PAPPA: variants seen among roughly 807,000 people sequenced by gnomAD.
The protein encoded by PAPPA is pappalysin-1.
In PAPPA, 60 loss-of-function variants were observed where a neutral mutation model predicts 164.0. The observed-to-expected ratio is 0.37, with a 90% CI of 0.30 to 0.45. The LOEUF is 0.45. Among genes scored for constraint, PAPPA ranks in the 20% least tolerant of loss-of-function variants. The pLI, the probability that PAPPA is intolerant of heterozygous loss-of-function variation, is 1.00. For synonymous variants in PAPPA, 875 were observed against 814.1 expected (o/e 1.07, Z -1.27); for missense variants, 1,782 against 2,087.3 (o/e 0.85, Z 2.85).
chr9:116,258,798 T>C (rs529708054), intron 7 of PAPPA, among the ~76,000 whole-genome samples: 10 of 152,240 alleles, frequency 6.6e-5, no homozygotes, highest in African/African-American at 2.2e-4. Flanking sequence ...TTTTAATACA[T>C]ATTTGGGGGG....
chr9:116,170,471 G>A (rs1843763800), intron 1 of PAPPA, among the ~76,000 whole-genome samples: 1 of 152,040 alleles, frequency 6.6e-6, no homozygotes, highest in Non-Finnish European at 1.5e-5. Flanking sequence ...GGTCTGAAGT[G>A]GTCCTGCCCA....
At chr9:116,284,130 C>G (rs1014150871) in intron 9 of PAPPA, among the ~76,000 whole-genome samples, 10 of 152,128 alleles carry the variant, frequency 6.6e-5, no homozygotes, top group Admixed American at 5.9e-4. Flanking sequence ...TGTGACAGTT[C>G]CTGTCTTCCA....
chr9:116,340,619 G>A (rs1169213951), intron 13 of PAPPA, among the ~76,000 whole-genome samples: 1 of 152,130 alleles, frequency 6.6e-6, no homozygotes, highest in Admixed American at 6.5e-5. Flanking sequence ...CAAGCCTGCA[G>A]GCCAGGTGCA....
rs770267769 is a variant in PAPPA, at chr9:116,398,296, G to A, written c.*1680G>A. 18 of 206,908 alleles carry A rather than the reference G, an allele frequency of 8.7e-5. No individual in the cohort carries two copies. Among genetic ancestry groups the A allele is most frequent in the Admixed American group, 5.0e-4 (9 of 17,934 alleles). 12.8% of individuals were successfully genotyped at this position (206,908 alleles called of 1,614,324 possible). ...TCTGAAACCTGGAGCTGGGAATTGCGGAGAAGGGAAGGTCTAGACTAGTTA... is the reference window on the plus strand; with the variant it reads ...TCTGAAACCTGGAGCTGGGAATTGCAGAGAAGGGAAGGTCTAGACTAGTTA... On this transcript the variant is annotated 3_prime_UTR_variant, in exon 22 of 22. Transcript: ENST00000328252.
At chr9:116,306,411 C>T (rs1236976227) in intron 10 of PAPPA, among the ~76,000 whole-genome samples, 1 of 152,202 alleles carries the variant, frequency 6.6e-6, no homozygotes, top group East Asian at 1.9e-4. Context: ...GTTTCTCGTT[C>T]ATTCTTTTCA....
In PAPPA at chr9:116,347,815, A is replaced by G. The variant is rs887968945; in HGVS notation, c.3964+606A>G. Among the ~76,000 whole-genome samples the G allele has an allele frequency of 3.3e-5, 5 of 152,132 alleles. No individual in the cohort carries two copies. Among genetic ancestry groups the G allele is most frequent in the African/African-American group, 7.2e-5 (3 of 41,426 alleles). ...TAGGCACCAGGGCTATTGAGGGGAA[A>G]AAGACACTGGCATACCAGAGAAGAG... On this transcript the variant is annotated intron_variant, in intron 15 of 21. Transcript: ENST00000328252. This position sits in a 1 kb window ranked among gnomAD's most constrained non-coding sequence, Gnocchi z 4.5.
At chr9:116,332,581 C>T in intron 12 of PAPPA, 113 bp downstream of exon 12, 1 of 977,164 alleles carries the variant, frequency 1.0e-6, no homozygotes, top group Middle Eastern at 2.3e-4. Context: ...TTTCCCCTTT[C>T]TTGCTTCTTT....
chr9:116,256,878 A>G (rs1844934216), intron 7 of PAPPA, among the ~76,000 whole-genome samples: 1 of 151,980 alleles, frequency 6.6e-6, no homozygotes, highest in East Asian at 1.9e-4. Context: ...CTGATACAGA[A>G]CTAAATTATG....
At position 116,309,017 on chromosome 9, in the gene PAPPA, T is replaced by C. The variant is rs1367000690; in HGVS notation, c.3147+6067T>C. On this transcript the variant is annotated intron_variant, in intron 10 of 21. Transcript: ENST00000328252. ...CAGTTTTGTCACAAGCTATGTGCTATACATAGGAAACCTTAAAATGTCAGT... is the reference window on the plus strand; with the variant it reads ...CAGTTTTGTCACAAGCTATGTGCTACACATAGGAAACCTTAAAATGTCAGT... Among the ~76,000 whole-genome samples, 4 of 152,052 alleles carry C rather than the reference T, an allele frequency of 2.6e-5. No individual in the cohort carries two copies. The East Asian group carries it at 5.8e-4, about 22-fold the overall frequency.
At chr9:116,373,278 C>G (rs946061626) in intron 19 of PAPPA, 1 of 152,084 alleles carries the variant, frequency 6.6e-6, no homozygotes, top group Non-Finnish European at 1.5e-5. Flanking sequence ...TGTTCATTTA[C>G]TTATTCAATA....
At chr9:116,270,853 A>C (rs1845127737) in intron 8 of PAPPA, among the ~76,000 whole-genome samples, 1 of 152,230 alleles carries the variant, frequency 6.6e-6, no homozygotes. Context: ...AATGAAAAAA[A>C]AAAAGTTACC....
chr9:116,154,161 G>GC lies in PAPPA; in HGVS notation c.-12_-11insC. 1.6e-6 allele frequency: 2 copies of GC among 1,224,418 alleles called. No individual in the cohort carries two copies. The highest frequency in any genetic ancestry group is 2.2e-6 in the Non-Finnish European group (2 of 926,410). 75.8% of individuals were successfully genotyped at this position (1,224,418 alleles called of 1,614,324 possible). On this transcript the variant is annotated 5_prime_UTR_variant, in exon 1 of 22. Transcript: ENST00000328252. The surrounding 1 kb of genome is among the most constrained non-coding windows in gnomAD (Gnocchi z 5.2). Reference sequence around the variant, plus strand: ...TGCAGGGGCGAAGGGGGGGCGGGGGGAACCGTCGGACATGCGGCTCTGGAG... The same window carrying GC: ...TGCAGGGGCGAAGGGGGGGCGGGGGGCAACCGTCGGACATGCGGCTCTGGAG...
chr9:116,376,028 T>TA (rs200088346), intron 19 of PAPPA, among the ~76,000 whole-genome samples: 21,554 of 150,882 alleles, frequency 0.14, 1,619 homozygotes, highest in East Asian at 0.21. Context: ...AGGATTTTTT[T>TA]TTTTTTTTTT....
intron 1 of PAPPA, among the ~76,000 whole-genome samples, chr9:116,175,693 A>G (rs1843826132): frequency 6.6e-6 from 1 of 152,152 alleles, no homozygotes; most frequent in Non-Finnish European, 1.5e-5. Flanking sequence ...AGGGTTCTAT[A>G]TAGTGATACA....
intron 9 of PAPPA, among the ~76,000 whole-genome samples, chr9:116,272,323 G>T (rs1251654537): frequency 1.3e-5 from 2 of 152,198 alleles, no homozygotes; most frequent in Non-Finnish European, 2.9e-5. Context: ...AGACAGAGGT[G>T]CTCTATCTGA....
intron 15 of PAPPA, among the ~76,000 whole-genome samples, chr9:116,351,322 A>G (rs189537921): frequency 9.9e-4 from 151 of 152,350 alleles, no homozygotes; most frequent in African/African-American, 3.5e-3. Flanking sequence ...CAGAGCTACT[A>G]ATGAAGATGA....
At chr9:116,211,493 A>C in intron 3 of PAPPA, 146 bp from the exon 4 acceptor site, 1 of 648,300 alleles carries the variant, frequency 1.5e-6, no homozygotes, top group Non-Finnish European at 2.7e-6. Context: ...CATAGGTTGT[A>C]ACAGCTCTCA....
intron 2 of PAPPA, among the ~76,000 whole-genome samples, chr9:116,194,785 C>T (rs1844084131): frequency 6.6e-6 from 1 of 152,152 alleles, no homozygotes; most frequent in African/African-American, 2.4e-5. Flanking sequence ...GACACCATAT[C>T]CTCCCTGTCA....
intron 4 of PAPPA, among the ~76,000 whole-genome samples, chr9:116,215,847 A>G (rs1844363957): frequency 6.6e-6 from 1 of 152,212 alleles, no homozygotes; most frequent in South Asian, 2.1e-4. Context: ...ACTTAATGTG[A>G]AAAAGGTCAG....
Sources: allele counts gnomAD v4.1 joint callset (sites outside exome capture counted in the v4.1 genomes callset), GRCh38; gene constraint gnomAD v4.1.1; non-coding constraint Gnocchi (gnomAD v3.1); transcripts MANE v1.5; gene names NCBI Gene and HGNC (gene_info 2026-07-23, HGNC 2026-07-21).